The following CCDC7 variants were observed in gnomAD, a reference collection of about 807,000 sequenced individuals.
CCDC7 encodes coiled-coil domain-containing protein 7.
Under a neutral mutation model 196.9 loss-of-function variants are expected in CCDC7, and 183 were observed. The ratio of observed to expected loss-of-function variants is 0.93; its 90% confidence interval spans 0.82 to 1.05. The LOEUF (loss-of-function observed/expected upper bound fraction) is 1.05, where lower values mean the gene tolerates loss of function less well. Among genes scored for constraint, CCDC7 ranks in the 50% least tolerant of loss-of-function variants. CCDC7 has a pLI of 0.00. For synonymous variants in CCDC7, 525 were observed against 484.6 expected (o/e 1.08, Z -1.10); for missense variants, 1,540 against 1,482.2 (o/e 1.04, Z -0.64).
intron 29 of CCDC7, among the ~76,000 whole-genome samples, chr10:32,797,222 CAT>C (rs35537060): frequency 0.15 from 21,647 of 148,274 alleles, 1,928 homozygotes; most frequent in African/African-American, 0.26. Flanking sequence ...TACACACACA[CAT>C]ATATATGTGT....
At chr10:32,814,841 A>G (rs2088033375) in intron 31 of CCDC7, among the ~76,000 whole-genome samples, 1 of 152,220 alleles carries the variant, frequency 6.6e-6, no homozygotes, top group Non-Finnish European at 1.5e-5. Flanking sequence ...ACACTTCTCT[A>G]TGACCGTTGG....
At chr10:32,675,063 C>T (rs2074695216) in intron 21 of CCDC7, among the ~76,000 whole-genome samples, 1 of 152,040 alleles carries the variant, frequency 6.6e-6, no homozygotes, top group Admixed American at 6.6e-5. Flanking sequence ...TTCTCTGTAT[C>T]TTTTGAATGT....
At chr10:32,749,044 C>T (rs1040137576) in intron 28 of CCDC7, among the ~76,000 whole-genome samples, 5 of 152,160 alleles carry the variant, frequency 3.3e-5, no homozygotes, top group Admixed American at 3.3e-4. Flanking sequence ...ACTGAGGTTC[C>T]AGCAATTCAC....
At chr10:32,735,293 G>A (rs1230520675) in intron 28 of CCDC7, among the ~76,000 whole-genome samples, 1 of 152,160 alleles carries the variant, frequency 6.6e-6, no homozygotes, top group Non-Finnish European at 1.5e-5. Context: ...TGTCTTCAAA[G>A]TTGCTGTAGT....
At chr10:32,815,989 G>T (rs1415594306) in intron 31 of CCDC7, among the ~76,000 whole-genome samples, 2 of 152,200 alleles carry the variant, frequency 1.3e-5, no homozygotes, top group African/African-American at 2.4e-5. Flanking sequence ...GGGAGTGTTG[G>T]CAGGACAGTG....
intron 16 of CCDC7, among the ~76,000 whole-genome samples, chr10:32,582,623 G>A (rs949310893): frequency 1.3e-5 from 2 of 152,026 alleles, no homozygotes; most frequent in East Asian, 3.9e-4. Context: ...GAAAGATGGT[G>A]ATCTTTTAAT....
At chr10:32,628,352 T>C (rs1294980157) in intron 18 of CCDC7, among the ~76,000 whole-genome samples, 1 of 151,934 alleles carries the variant, frequency 6.6e-6, no homozygotes, top group Non-Finnish European at 1.5e-5. Context: ...TTGGTCTTTA[T>C]GTTACATCAG....
intron 28 of CCDC7, among the ~76,000 whole-genome samples, chr10:32,748,169 C>A (rs2075109026): frequency 6.6e-6 from 1 of 152,066 alleles, no homozygotes; most frequent in South Asian, 2.1e-4. Flanking sequence ...ATTGAGCTCA[C>A]ATGAACACAA....
intron 13 of CCDC7, among the ~76,000 whole-genome samples, chr10:32,547,671 A>G (rs932200802): frequency 6.6e-6 from 1 of 152,238 alleles, no homozygotes; most frequent in African/African-American, 2.4e-5. Flanking sequence ...TGATACAAGC[A>G]TACAATGCAT....
chr10:32,775,042 T>G (rs143907870), intron 28 of CCDC7, among the ~76,000 whole-genome samples: 7 of 152,318 alleles, frequency 4.6e-5, no homozygotes, highest in Admixed American at 4.6e-4. Flanking sequence ...CATTCCTAAC[T>G]TCTATTAGGA....
chr10:32,759,448 C>T (rs2077056600), intron 28 of CCDC7, among the ~76,000 whole-genome samples: 2 of 152,084 alleles, frequency 1.3e-5, no homozygotes, highest in African/African-American at 4.8e-5. Context: ...CACATATCTA[C>T]AACTATCTGA....
chr10:32,681,630 T>G (rs1361468868), intron 21 of CCDC7, among the ~76,000 whole-genome samples: 1 of 152,094 alleles, frequency 6.6e-6, no homozygotes, highest in Non-Finnish European at 1.5e-5. Context: ...TGGGAATCTC[T>G]ATGATAATTG....
At position 32,454,587 on chromosome 10, in the gene CCDC7, A is replaced by AC. The variant is rs1460255594; in HGVS notation, c.372+1153dup. 6.6e-5 allele frequency among the ~76,000 whole-genome samples: 10 copies of AC among 151,580 alleles called. No homozygotes were observed. The East Asian group carries it at 1.9e-3, about 29-fold the overall frequency. ...ATCTAAAACAAAAGTTAAAAAAAAA[A>AC]CCACCAAAAAAATAAAATAAAATGA... On this transcript the variant is annotated intron_variant, in intron 2 of 41. Transcript: ENST00000639629.
Position 32,711,689 on chromosome 10 carries a change from A to G in CCDC7, c.2528A>G (p.Gln843Arg), listed in dbSNP as rs543196382. 6.3e-6 allele frequency: 10 copies of G among 1,593,812 alleles called. No individual in the cohort carries two copies. The East Asian group carries it at 2.1e-4, about 33-fold the overall frequency. ...GATTCAGTGTCAAAAATCCAAGTGC[A>G]ATTAGAGATTCAAGAAACTTCTGAA... The change falls in exon 25 of 42, where the codon CAA becomes CGA. Residue 843 changes from glutamine (Q) to arginine (R), a missense_variant. By Grantham distance (43) the Gln-to-Arg change is conservative. Coordinates refer to ENST00000639629, the Ensembl canonical transcript of CCDC7.
At chr10:32,667,487 GT>G (rs1417228681) in intron 21 of CCDC7, among the ~76,000 whole-genome samples, 1 of 152,132 alleles carries the variant, frequency 6.6e-6, no homozygotes, top group East Asian at 1.9e-4. Flanking sequence ...TTCTTCTAGG[GT>G]TTTTATGGTT....
intron 18 of CCDC7, among the ~76,000 whole-genome samples, chr10:32,598,471 G>A (rs1030095377): frequency 3.3e-5 from 5 of 152,320 alleles, no homozygotes; most frequent in African/African-American, 1.2e-4. Context: ...GCGATGCCCT[G>A]CCCTGCTCCG....
intron 29 of CCDC7, among the ~76,000 whole-genome samples, chr10:32,789,200 A>G (rs911148201): frequency 4.6e-5 from 7 of 152,094 alleles, no homozygotes; most frequent in Non-Finnish European, 8.8e-5. Context: ...ATTATGAACA[A>G]TCAGGAAACA....
At position 32,451,859 on chromosome 10, in the gene CCDC7, A is replaced by G. The variant is rs774116810; in HGVS notation, c.217A>G (p.Lys73Glu). 2.5e-6 allele frequency: 4 copies of G among 1,613,934 alleles called. No individual in the cohort carries two copies. The East Asian group carries it at 6.7e-5, about 27-fold the overall frequency. Reference sequence around the variant, plus strand: ...GTATGCTTTGCCCATTCCATCGAGTAAGACAAAGAACTTACTACCAGAAGA... The same window carrying G: ...GTATGCTTTGCCCATTCCATCGAGTGAGACAAAGAACTTACTACCAGAAGA... The change falls in exon 1 of 42, where the codon AAG (lysine) becomes GAG (glutamate). Residue 73 changes from lysine (K) to glutamate (E), a missense_variant. Coordinates refer to ENST00000639629, the Ensembl canonical transcript of CCDC7.
At chr10:32,675,052 C>CT (rs996980486) in intron 21 of CCDC7, among the ~76,000 whole-genome samples, 2 of 152,020 alleles carry the variant, frequency 1.3e-5, no homozygotes, top group Non-Finnish European at 2.9e-5. Flanking sequence ...ATCCTTTCAG[C>CT]TTCTCTGTAT....
Sources: gnomAD v4.1 joint callset for allele counts (sites outside exome capture counted in the v4.1 genomes callset) on GRCh38, gnomAD v4.1.1 for gene constraint, MANE v1.5 for transcripts, NCBI Gene and HGNC (gene_info 2026-07-23, HGNC 2026-07-21) for gene names.